FIRRM: variants seen among roughly 807,000 people sequenced by gnomAD.
FIRRM encodes FIGNL1-interacting regulator of recombination and mitosis.
At chr1:169,839,272 T>G in the FIRRM span, among the ~76,000 whole-genome samples, 3 of 152,184 alleles carry the variant, frequency 2.0e-5, no homozygotes, top group Non-Finnish European at 4.4e-5. Context: ...TTTGTTTTCT[T>G]TCGGATATGT....
the FIRRM span, chr1:169,795,505 A>G: frequency 8.4e-7 from 1 of 1,189,962 alleles, no homozygotes. Context: ...GTTTTTCTGT[A>G]CTCGTTGCTT....
At chr1:169,853,670 A>G in the FIRRM span, 1 of 1,602,898 alleles carries the variant, frequency 6.2e-7, no homozygotes, top group Non-Finnish European at 8.5e-7. Flanking sequence ...TTTTTTTTAA[A>G]AAAAGGGAAT....
the FIRRM span, among the ~76,000 whole-genome samples, chr1:169,818,717 T>C: frequency 2.0e-5 from 3 of 152,200 alleles, no homozygotes; most frequent in African/African-American, 7.2e-5. Flanking sequence ...GACAGAGTCT[T>C]GCTCTGTTGC....
chr1:169,853,883 A>G, the FIRRM span: 1 of 1,123,800 alleles, frequency 8.9e-7, no homozygotes, highest in Non-Finnish European at 1.3e-6. Flanking sequence ...TGCCAGAAAC[A>G]CTACCTCGTA....
the FIRRM span, among the ~76,000 whole-genome samples, chr1:169,837,700 C>T: frequency 1.3e-4 from 20 of 152,082 alleles, no homozygotes; most frequent in Non-Finnish European, 2.4e-4. Flanking sequence ...GGGGGTACAT[C>T]GGGAACCAAA....
chr1:169,791,966 C>T, the FIRRM span, among the ~76,000 whole-genome samples: 28,171 of 152,066 alleles, frequency 0.19, 2,767 homozygotes, highest in South Asian at 0.26. Flanking sequence ...TCTTTTTCCT[C>T]CTACCAAGAC....
At chr1:169,799,011 C>A in the FIRRM span, 3 of 695,120 alleles carry the variant, frequency 4.3e-6, no homozygotes, top group South Asian at 3.8e-5. Context: ...AGGTCCGAGT[C>A]CCCACATACC....
chr1:169,853,962 A>C, the FIRRM span: 1 of 660,060 alleles, frequency 1.5e-6, no homozygotes, highest in Non-Finnish European at 2.5e-6. Context: ...GGCACTGGAA[A>C]ATAGCTTTTC....
At chr1:169,790,247 G>A in the FIRRM span, among the ~76,000 whole-genome samples, 3 of 151,776 alleles carry the variant, frequency 2.0e-5, no homozygotes, top group African/African-American at 4.8e-5. Context: ...GCGCGATCTC[G>A]GCTCACTGCA....
chr1:169,815,695 G>T, the FIRRM span, among the ~76,000 whole-genome samples: 2 of 152,138 alleles, frequency 1.3e-5, no homozygotes, highest in Non-Finnish European at 2.9e-5. Context: ...CCTGTCTTGT[G>T]CTGACCTCCT....
chr1:169,793,473 T>A, the FIRRM span: 1 of 1,614,198 alleles, frequency 6.2e-7, no homozygotes, highest in Non-Finnish European at 8.5e-7. Context: ...GGACTGTCTG[T>A]GTCTTGAGAG....
the FIRRM span, among the ~76,000 whole-genome samples, chr1:169,790,174 C>T: frequency 6.7e-6 from 1 of 148,588 alleles, no homozygotes; most frequent in Non-Finnish European, 1.5e-5. Context: ...CCACATTTAT[C>T]TTTTTTTTTT....
At chr1:169,822,702 G>A in the FIRRM span, among the ~76,000 whole-genome samples, 3 of 152,010 alleles carry the variant, frequency 2.0e-5, no homozygotes, top group South Asian at 2.1e-4. Flanking sequence ...GTTTCACCAT[G>A]TTGGTCAGTC....
chr1:169,819,646 A>G, the FIRRM span, among the ~76,000 whole-genome samples: 19 of 152,214 alleles, frequency 1.2e-4, no homozygotes, highest in African/African-American at 4.6e-4. Flanking sequence ...TCTACTTTGA[A>G]TTAAGCTGAC....
chr1:169,832,658 C>T, the FIRRM span: 1 of 581,952 alleles, frequency 1.7e-6, no homozygotes, highest in Non-Finnish European at 3.0e-6. Flanking sequence ...GCTGGTTTTA[C>T]AGTGGCTCGA....
chr1:169,806,132 A>G, the FIRRM span: 20 of 1,094,942 alleles, frequency 1.8e-5, no homozygotes, highest in Admixed American at 4.3e-5. Flanking sequence ...AATGTTTTCC[A>G]TATTCCCCAA....
chr1:169,811,295 C>T, the FIRRM span, among the ~76,000 whole-genome samples: 1 of 152,136 alleles, frequency 6.6e-6, no homozygotes, highest in Non-Finnish European at 1.5e-5. Context: ...AGAAAATAAA[C>T]ATATACTATT....
At chr1:169,787,738 A>G in the FIRRM span, among the ~76,000 whole-genome samples, 1,018 of 152,320 alleles carry the variant, frequency 6.7e-3, 9 homozygotes, top group African/African-American at 0.023. Flanking sequence ...GATTACTAAA[A>G]CTTTATTCCA....
chr1:169,821,799 C>A, the FIRRM span: 1 of 1,387,044 alleles, frequency 7.2e-7, no homozygotes, highest in Non-Finnish European at 1.0e-6. Context: ...AATTGTAGTT[C>A]TCTCAGAAAA....
Sources: allele counts gnomAD v4.1 joint callset (sites outside exome capture counted in the v4.1 genomes callset), GRCh38; gene constraint gnomAD v4.1.1; transcripts MANE v1.5; gene names NCBI Gene and HGNC (gene_info 2026-07-23, HGNC 2026-07-21).